KALRN: variants seen among roughly 807,000 people sequenced by gnomAD.
The protein encoded by KALRN is kalirin.
KALRN carries 70 observed loss-of-function variants against 353.7 expected under a neutral mutation model. The observed-to-expected ratio is 0.20, with a 90% confidence interval of 0.16 to 0.24. The LOEUF (loss-of-function observed/expected upper bound fraction) is 0.24. Among genes scored for constraint, KALRN ranks in the 10% least tolerant of loss-of-function variants. The probability of loss-of-function intolerance (pLI) is 1.00; values close to 1 mark genes in which losing one functional copy is unlikely to be tolerated. For synonymous variants in KALRN, 1,391 were observed against 1,434.8 expected (o/e 0.97, Z 0.69); for missense variants, 2,791 against 3,756.7 (o/e 0.74, Z 6.72).
chr3:124,179,360 C>T (rs2073239864), intron 1 of KALRN, among the ~76,000 whole-genome samples: 1 of 152,086 alleles, frequency 6.6e-6, no homozygotes, highest in African/African-American at 2.4e-5. Context: ...TCATCAATAT[C>T]ACTGTCTTCT....
intron 5 of KALRN, among the ~76,000 whole-genome samples, 191 bp from the exon 6 acceptor site, chr3:124,298,600 C>T (rs997527740): frequency 3.9e-5 from 6 of 152,132 alleles, no homozygotes; most frequent in African/African-American, 9.7e-5. Context: ...TGGGGTCTTA[C>T]GCTAAAAGTG....
chr3:124,671,926 T>C (rs540371094), intron 48 of KALRN, 28 bp downstream of exon 48: 1 of 1,497,662 alleles, frequency 6.7e-7, no homozygotes, highest in South Asian at 1.1e-5. Context: ...ACTCCCACCC[T>C]TGTCACTACG....
intron 1 of KALRN, among the ~76,000 whole-genome samples, chr3:124,065,697 A>G (rs1475851891): frequency 6.6e-6 from 1 of 151,262 alleles, no homozygotes; most frequent in Admixed American, 6.6e-5. Context: ...AAATCGTGGC[A>G]TGTGGTTTTA....
chr3:124,221,027 G>T (rs149542213), intron 1 of KALRN, among the ~76,000 whole-genome samples: 1 of 152,170 alleles, frequency 6.6e-6, no homozygotes, highest in Non-Finnish European at 1.5e-5. Context: ...CCTGGCTCTC[G>T]GAGTCTCCGA....
At chr3:124,184,676 A>T (rs982056045) in intron 1 of KALRN, among the ~76,000 whole-genome samples, 9 of 151,970 alleles carry the variant, frequency 5.9e-5, no homozygotes, top group African/African-American at 2.2e-4. Context: ...AAATTGTAGC[A>T]CTTATGTTTA....
chr3:124,648,360 G>C (rs1425809781), intron 37 of KALRN, among the ~76,000 whole-genome samples: 2 of 152,220 alleles, frequency 1.3e-5, no homozygotes, highest in African/African-American at 4.8e-5. Flanking sequence ...GGTCAGGTAG[G>C]AGGAGATGGA....
In KALRN at chr3:124,446,628, G is replaced by A. The variant is rs528948757; in HGVS notation, c.3430-135G>A. ...CTCATTCATAAAAAAAAACTCCAGA[G>A]CTACATACCAATCAAATTGTCAGTG... On this transcript the variant is annotated intron_variant, in intron 20 of 59. Transcript: ENST00000682506. 405 of 1,115,000 alleles carry A rather than the reference G, an allele frequency of 3.6e-4. 1 individual carries two copies. The highest frequency in any genetic ancestry group is 2.7e-3 in the Middle Eastern group (13 of 4,750). 69.1% of individuals were successfully genotyped at this position (1,115,000 alleles called of 1,614,324 possible).
intron 34 of KALRN, among the ~76,000 whole-genome samples, chr3:124,569,335 G>A (rs1250826907): frequency 1.3e-5 from 2 of 152,250 alleles, no homozygotes; most frequent in Admixed American, 1.3e-4. Context: ...GAAGGTGGTG[G>A]AGAACCGTGG....
intron 6 of KALRN, among the ~76,000 whole-genome samples, chr3:124,322,699 G>A (rs1159136639): frequency 6.6e-6 from 1 of 152,172 alleles, no homozygotes; most frequent in African/African-American, 2.4e-5. Context: ...TAATGAGTAA[G>A]CACTCCTATT....
At chr3:124,495,961 G>GTATATATATATATGTATATATA (rs1247326841) in intron 32 of KALRN, among the ~76,000 whole-genome samples, 1 of 37,894 alleles carries the variant, frequency 2.6e-5, no homozygotes, top group Non-Finnish European at 5.1e-5. Context: ...GTATGTGTAT[G>GTATATATATATATGTATATATA]TATGTATATA....
At position 124,632,286 on chromosome 3, in the gene KALRN, T is replaced by C. The variant is rs578089465; in HGVS notation, c.5183-134T>C. The C allele has an allele frequency of 4.1e-5, 32 of 775,674 alleles. No homozygotes were observed. The East Asian group carries it at 7.8e-4, about 19-fold the overall frequency. The allele number at this position is 775,674 out of a possible 1,614,324, so 48.0% of individuals were successfully genotyped here. On this transcript the variant is annotated intron_variant, in intron 34 of 59. Transcript: ENST00000682506. ...TCTTACTGTTGTTGAGAGGGTTCTCTGGACTGGGGTCTACAGCTGGCCTGG... is the reference window on the plus strand; with the variant it reads ...TCTTACTGTTGTTGAGAGGGTTCTCCGGACTGGGGTCTACAGCTGGCCTGG...
chr3:124,466,034 C>G (rs1227243020), intron 25 of KALRN, among the ~76,000 whole-genome samples: 5 of 147,352 alleles, frequency 3.4e-5, no homozygotes, highest in East Asian at 2.0e-4. Flanking sequence ...CTCTCTTGCT[C>G]TGTGTGTGTG....
chr3:124,179,245 AT>A (rs2073220324), intron 1 of KALRN, among the ~76,000 whole-genome samples: 1 of 152,244 alleles, frequency 6.6e-6, no homozygotes, highest in South Asian at 2.1e-4. Flanking sequence ...TTATATTCTT[AT>A]TCTGTAAGCT....
intron 33 of KALRN, among the ~76,000 whole-genome samples, chr3:124,505,391 A>C (rs2065093663): frequency 6.6e-6 from 1 of 152,178 alleles, no homozygotes; most frequent in Admixed American, 6.5e-5. Flanking sequence ...CTACTTTGAG[A>C]GGCCAAGGTG....
chr3:124,175,439 G>A (rs758219957), intron 1 of KALRN, among the ~76,000 whole-genome samples: 9 of 152,058 alleles, frequency 5.9e-5, no homozygotes, highest in Non-Finnish European at 1.0e-4. Flanking sequence ...GAGGGTCCAG[G>A]CCTGCTCTCC....
At chr3:124,254,156 G>A (rs1329562515) in intron 3 of KALRN, among the ~76,000 whole-genome samples, 3 of 152,138 alleles carry the variant, frequency 2.0e-5, no homozygotes, top group African/African-American at 7.2e-5. Context: ...GGGCCTCCAA[G>A]CCAGATTATT....
At chr3:124,112,458 C>A (rs1484919370) in intron 1 of KALRN, among the ~76,000 whole-genome samples, 1 of 152,082 alleles carries the variant, frequency 6.6e-6, no homozygotes, top group Non-Finnish European at 1.5e-5. Flanking sequence ...CAAAGATGAT[C>A]TTTTCCAAGT....
chr3:124,153,380 T>G (rs958659472), intron 1 of KALRN, among the ~76,000 whole-genome samples: 12 of 151,004 alleles, frequency 7.9e-5, no homozygotes, highest in Admixed American at 6.6e-4. Context: ...TCGTTTTTTG[T>G]CCTTGCGATA....
chr3:124,310,147 G>A (rs2078107592), intron 6 of KALRN, among the ~76,000 whole-genome samples: 1 of 151,468 alleles, frequency 6.6e-6, no homozygotes. Flanking sequence ...ATGGAAATAG[G>A]AAAAAAATTC....
Sources: allele counts gnomAD v4.1 joint callset (sites outside exome capture counted in the v4.1 genomes callset), GRCh38; gene constraint gnomAD v4.1.1; transcripts MANE v1.5; gene names NCBI Gene and HGNC (gene_info 2026-07-23, HGNC 2026-07-21).